FHIT: variants seen among roughly 807,000 people sequenced by gnomAD.
FHIT encodes the protein bis(5'-adenosyl)-triphosphatase.
FHIT carries 19 observed loss-of-function variants against 17.9 expected under a neutral mutation model. The observed-to-expected ratio is 1.06, with a 90% CI of 0.74 to 1.56. The LOEUF is 1.56. FHIT is among the 40% of genes most tolerant of loss of function. FHIT has a pLI of 0.00. For synonymous variants in FHIT, 81 were observed against 69.7 expected (o/e 1.16, Z -0.81); for missense variants, 248 against 189.2 (o/e 1.31, Z -1.82).
intron 7 of FHIT, among the ~76,000 whole-genome samples, chr3:59,927,636 G>A (rs1423803596): frequency 6.6e-6 from 1 of 152,070 alleles, no homozygotes; most frequent in African/African-American, 2.4e-5. Context: ...AGGCGTGGTG[G>A]CACATGCCTG....
At chr3:60,710,090 A>AC (rs1161796120) in intron 4 of FHIT, among the ~76,000 whole-genome samples, 9 of 151,972 alleles carry the variant, frequency 5.9e-5, no homozygotes, top group African/African-American at 1.7e-4. Flanking sequence ...AAAAAAAAAA[A>AC]AAAAACTCAA....
intron 7 of FHIT, among the ~76,000 whole-genome samples, chr3:59,933,354 C>T (rs1706066453): frequency 6.6e-6 from 1 of 152,100 alleles, no homozygotes; most frequent in South Asian, 2.1e-4. Flanking sequence ...ATTTTTAAGT[C>T]ATTATCAGTT....
At position 59,905,988 on chromosome 3, in the gene FHIT, T is replaced by C. The variant is rs1489799307; in HGVS notation, c.348+16358A>G. 4.6e-5 allele frequency among the ~76,000 whole-genome samples: 7 copies of C among 152,224 alleles called. No individual in the cohort carries two copies. The East Asian group carries it at 1.3e-3, about 29-fold the overall frequency. ...GGAAGGTACTGTGTGATTCTGGGAC[T>C]GGACTTTTCATTAAAAAGATAAGAG... On this transcript the variant is annotated intron_variant, in intron 8 of 9. Transcript: ENST00000492590.
At chr3:60,857,692 G>A (rs1703446003) in intron 3 of FHIT, among the ~76,000 whole-genome samples, 1 of 152,164 alleles carries the variant, frequency 6.6e-6, no homozygotes, top group African/African-American at 2.4e-5. Context: ...ACTTTGGGAT[G>A]CCAAAGTGGG....
At chr3:59,961,878 C>T (rs570295515) in intron 7 of FHIT, among the ~76,000 whole-genome samples, 2 of 145,322 alleles carry the variant, frequency 1.4e-5, no homozygotes, top group Non-Finnish European at 3.0e-5. Flanking sequence ...ACAGCCACCA[C>T]CCCATTTTTC....
chr3:61,007,186 G>A (rs1026318925), intron 3 of FHIT, among the ~76,000 whole-genome samples: 3 of 152,126 alleles, frequency 2.0e-5, no homozygotes, highest in African/African-American at 7.2e-5. Context: ...CATCTTTGCA[G>A]TCTGTCTAAA....
chr3:61,004,094 T>G (rs2031280557), intron 3 of FHIT, among the ~76,000 whole-genome samples: 1 of 152,106 alleles, frequency 6.6e-6, no homozygotes. Context: ...ATCCCTACCC[T>G]AAAGGAGTGC....
chr3:60,828,450 T>C (rs1202669243), intron 3 of FHIT, among the ~76,000 whole-genome samples: 1 of 152,148 alleles, frequency 6.6e-6, no homozygotes, highest in South Asian at 2.1e-4. Context: ...TACTTTGTTA[T>C]ATGTGCCAGG....
intron 5 of FHIT, among the ~76,000 whole-genome samples, chr3:60,223,592 C>G (rs992608187): frequency 1.3e-5 from 2 of 152,074 alleles, no homozygotes; most frequent in East Asian, 1.9e-4. Context: ...ACAAGCTGAG[C>G]CTTCTTTTCA....
chr3:60,524,444 T>A (rs1265238094), intron 5 of FHIT, among the ~76,000 whole-genome samples: 1 of 152,080 alleles, frequency 6.6e-6, no homozygotes, highest in Non-Finnish European at 1.5e-5. Flanking sequence ...CAGCTGCTGG[T>A]TCAAGGGCTA....
At chr3:60,614,710 A>G (rs1475655935) in intron 4 of FHIT, among the ~76,000 whole-genome samples, 1 of 152,158 alleles carries the variant, frequency 6.6e-6, no homozygotes, top group Non-Finnish European at 1.5e-5. Flanking sequence ...TTATTTATTA[A>G]ACCCATCCTA....
At chr3:60,471,297 C>T (rs566340764) in intron 5 of FHIT, among the ~76,000 whole-genome samples, 5 of 152,276 alleles carry the variant, frequency 3.3e-5, no homozygotes, top group Admixed American at 1.3e-4. Context: ...CCTTGCAGTC[C>T]TTGTGGCCTA....
chr3:60,301,426 C>A (rs991750504), intron 5 of FHIT, among the ~76,000 whole-genome samples: 2 of 152,122 alleles, frequency 1.3e-5, no homozygotes, highest in African/African-American at 4.8e-5. Flanking sequence ...CTGACTAAAC[C>A]TAAACTTCTT....
chr3:60,307,636 T>C (rs1474634864), intron 5 of FHIT, among the ~76,000 whole-genome samples: 2 of 152,146 alleles, frequency 1.3e-5, no homozygotes, highest in Admixed American at 6.5e-5. Flanking sequence ...GGCAAATATT[T>C]TATGAGCTAC....
intron 5 of FHIT, among the ~76,000 whole-genome samples, chr3:60,387,773 G>T (rs988553583): frequency 1.3e-5 from 2 of 152,014 alleles, no homozygotes; most frequent in Non-Finnish European, 2.9e-5. Context: ...AAATATTTTG[G>T]CTATAGTTTG....
At chr3:61,123,345 C>G (rs1034051180) in intron 2 of FHIT, among the ~76,000 whole-genome samples, 4 of 151,994 alleles carry the variant, frequency 2.6e-5, no homozygotes, top group African/African-American at 9.7e-5. Context: ...ACACTGGGGC[C>G]TTTCAGTGGC....
chr3:61,127,746 T>C (rs1268022353), intron 2 of FHIT, among the ~76,000 whole-genome samples: 2 of 152,068 alleles, frequency 1.3e-5, no homozygotes, highest in Non-Finnish European at 2.9e-5. Context: ...GGGTGTGGCC[T>C]GTAATCCCAG....
chr3:60,510,671 G>T (rs910481118), intron 5 of FHIT, among the ~76,000 whole-genome samples: 7 of 152,002 alleles, frequency 4.6e-5, no homozygotes, highest in African/African-American at 7.3e-5. Context: ...CTAGCTGAAG[G>T]GCTGTGGGCA....
intron 2 of FHIT, among the ~76,000 whole-genome samples, chr3:61,181,977 A>G (rs181081023): frequency 1.4e-4 from 21 of 152,368 alleles, no homozygotes; most frequent in Admixed American, 6.5e-4. Flanking sequence ...TCTAACCAGA[A>G]TTAGTCCATG....
Sources: allele counts gnomAD v4.1 joint callset (sites outside exome capture counted in the v4.1 genomes callset), GRCh38; gene constraint gnomAD v4.1.1; transcripts MANE v1.5; gene names NCBI Gene and HGNC (gene_info 2026-07-23, HGNC 2026-07-21).